Variants in COL5A2 observed in about 807,000 individuals in gnomAD.
COL5A2 encodes collagen alpha-2(V) chain.
Under a neutral mutation model 208.2 loss-of-function variants are expected in COL5A2, and 23 were observed. The ratio of observed to expected loss-of-function variants is 0.11; its 90% CI spans 0.08 to 0.16. The LOEUF is 0.16. Ranked by LOEUF, COL5A2 falls within the 10% of genes least tolerant of loss-of-function variation. The pLI is 1.00. For missense variants in COL5A2, 1,590 were observed against 1,956.4 expected, an observed-to-expected ratio of 0.81 and a Z score of 3.53; for synonymous variants, 625 against 628.5, an observed-to-expected ratio of 0.99 and a Z score of 0.08.
At chr2:189,161,033 T>A (rs1688353671) in intron 1 of COL5A2, among the ~76,000 whole-genome samples, 1 of 151,600 alleles carries the variant, frequency 6.6e-6, no homozygotes, top group African/African-American at 2.4e-5. Context: ...TTGGTCAGGC[T>A]GGTCTCGAAC....
chr2:189,196,154 A>T (rs1224600546), intron 1 of COL5A2, among the ~76,000 whole-genome samples: 2 of 152,244 alleles, frequency 1.3e-5, no homozygotes, highest in African/African-American at 4.8e-5. Flanking sequence ...ATGTGAACAG[A>T]CACTTCTCAA....
At chr2:189,407,230 C>T in the COL5A2 span, among the ~76,000 whole-genome samples, 1 of 151,998 alleles carries the variant, frequency 6.6e-6, no homozygotes, top group Admixed American at 6.6e-5. Flanking sequence ...TTACAAAGTG[C>T]TATTTAGTTA....
chr2:189,421,374 T>G, the COL5A2 span, among the ~76,000 whole-genome samples: 1 of 152,086 alleles, frequency 6.6e-6, no homozygotes, highest in African/African-American at 2.4e-5. Flanking sequence ...CCTTCTCAAG[T>G]GCTAAGGAAA....
intron 51 of COL5A2, among the ~76,000 whole-genome samples, chr2:189,037,352 A>G (rs1041898346): frequency 6.6e-6 from 1 of 152,224 alleles, no homozygotes; most frequent in Admixed American, 6.5e-5. Context: ...GTAGGCATAC[A>G]GTCAAATACA....
At chr2:189,083,055 T>C (rs1686571108) in intron 12 of COL5A2, among the ~76,000 whole-genome samples, 1 of 152,184 alleles carries the variant, frequency 6.6e-6, no homozygotes, top group Admixed American at 6.5e-5. Flanking sequence ...TTTCAGAAAG[T>C]AAACAGAAAG....
the COL5A2 span, among the ~76,000 whole-genome samples, chr2:189,294,642 T>C: frequency 1.2e-4 from 18 of 152,212 alleles, no homozygotes; most frequent in African/African-American, 4.1e-4. Context: ...ATAGCCAATA[T>C]ATTTTCATTA....
chr2:189,105,264 G>T (rs1268038624), intron 2 of COL5A2, among the ~76,000 whole-genome samples: 1 of 151,688 alleles, frequency 6.6e-6, no homozygotes, highest in South Asian at 2.1e-4. Context: ...ATAGGCATTG[G>T]TAACTTGATA....
rs397967930 is a variant in COL5A2, at chr2:189,191,151, A to AAC, written c.-42+33996_-42+33997insGT. Reference sequence around the variant, plus strand: ...GATTAGGGAAACCATAAAAAAAAAAACAAAAAACAAACAAACAACAAAAAA... The same window carrying AAC: ...GATTAGGGAAACCATAAAAAAAAAAAACCAAAAAACAAACAAACAACAAAAAA... On this transcript the variant is annotated intron_variant, in intron 1 of 10. Transcript: ENST00000649966. Among the ~76,000 whole-genome samples the AAC allele has an allele frequency of 2.9e-3, 191 of 66,636 alleles. 1 individual carries two copies. Among genetic ancestry groups the AAC allele is most frequent in the African/African-American group, 5.4e-3 (173 of 32,300 alleles). 43.7% of individuals were successfully genotyped at this position (66,636 alleles called of 152,430 possible).
the COL5A2 span, among the ~76,000 whole-genome samples, chr2:189,358,737 C>T: frequency 2.6e-5 from 4 of 152,090 alleles, no homozygotes; most frequent in African/African-American, 9.7e-5. Flanking sequence ...TTGTGTGCGT[C>T]TTCTCTTCAA....
At chr2:189,231,466 G>A in the COL5A2 span, among the ~76,000 whole-genome samples, 17 of 151,690 alleles carry the variant, frequency 1.1e-4, no homozygotes, top group Admixed American at 5.3e-4. Flanking sequence ...TTCACACCCG[G>A]TGCCTTTGAT....
At chr2:189,201,909 A>T (rs2105857950) in intron 1 of COL5A2, among the ~76,000 whole-genome samples, 1 of 151,896 alleles carries the variant, frequency 6.6e-6, no homozygotes, top group East Asian at 1.9e-4. Context: ...CAAATAGGTA[A>T]ATCTAAATAA....
the COL5A2 span, among the ~76,000 whole-genome samples, chr2:189,251,820 G>A: frequency 6.6e-6 from 1 of 152,088 alleles, no homozygotes; most frequent in East Asian, 1.9e-4. Flanking sequence ...AGAGTGAACA[G>A]CCAATCTAAA....
chr2:189,392,432 C>T, the COL5A2 span, among the ~76,000 whole-genome samples: 1 of 152,170 alleles, frequency 6.6e-6, no homozygotes, highest in East Asian at 1.9e-4. Flanking sequence ...AAATGATTAT[C>T]TGTCCCTTTT....
the COL5A2 span, among the ~76,000 whole-genome samples, chr2:189,378,932 T>C: frequency 6.6e-6 from 1 of 152,200 alleles, no homozygotes; most frequent in African/African-American, 2.4e-5. Context: ...TTTTATTATA[T>C]GATACAGGCT....
chr2:189,346,702 G>A, the COL5A2 span, among the ~76,000 whole-genome samples: 1 of 152,166 alleles, frequency 6.6e-6, no homozygotes, highest in African/African-American at 2.4e-5. Flanking sequence ...TTTCACAGGT[G>A]TCAGAAGGTT....
At chr2:189,300,180 C>A in the COL5A2 span, among the ~76,000 whole-genome samples, 1 of 152,174 alleles carries the variant, frequency 6.6e-6, no homozygotes, top group East Asian at 1.9e-4. Flanking sequence ...AAATTCCTTG[C>A]CAGTCAGCAT....
At chr2:189,144,039 A>G (rs963725055) in intron 1 of COL5A2, among the ~76,000 whole-genome samples, 1 of 152,148 alleles carries the variant, frequency 6.6e-6, no homozygotes, top group Admixed American at 6.6e-5. Context: ...AGGAGGAAAA[A>G]AAAGAAACAA....
chr2:189,428,728 G>C, the COL5A2 span, among the ~76,000 whole-genome samples: 1 of 152,156 alleles, frequency 6.6e-6, no homozygotes, highest in African/African-American at 2.4e-5. Context: ...AGTTTCTGAG[G>C]CCTCCCAGAA....
chr2:189,429,427 C>T, the COL5A2 span, among the ~76,000 whole-genome samples: 1 of 152,162 alleles, frequency 6.6e-6, no homozygotes, highest in Non-Finnish European at 1.5e-5. Context: ...TTCTCTGAGA[C>T]AGTGGTTTCA....
Sources: allele counts gnomAD v4.1 joint callset (sites outside exome capture counted in the v4.1 genomes callset), GRCh38; gene constraint gnomAD v4.1.1; transcripts MANE v1.5; gene names NCBI Gene and HGNC (gene_info 2026-07-23, HGNC 2026-07-21).